Variants in NXPE2 observed in about 807,000 individuals in gnomAD.
The protein encoded by NXPE2 is NXPE family member 2.
A neutral mutation model predicts 34.4 loss-of-function variants in NXPE2; 34 were observed. That is an observed-to-expected ratio of 0.99 (90% CI 0.75 to 1.31). NXPE2 has a LOEUF of 1.31. Among genes scored for constraint, NXPE2 ranks in the 40% most tolerant of loss-of-function variants. The pLI, the probability that NXPE2 is intolerant of heterozygous loss-of-function variation, is 0.00. For missense variants in NXPE2, 649 were observed against 672.5 expected, an observed-to-expected ratio of 0.97 and a Z score of 0.39; for synonymous variants, 235 against 231.3, an observed-to-expected ratio of 1.02 and a Z score of -0.15.
chr11:114,528,684 C>A, the NXPE2 span: 1 of 464,520 alleles, frequency 2.2e-6, no homozygotes, highest in South Asian at 5.4e-5. Flanking sequence ...AAAGCTCTTA[C>A]TCACACTTTG....
intron 3 of NXPE2, among the ~76,000 whole-genome samples, chr11:114,702,809 T>G (rs764842106): frequency 9.9e-5 from 15 of 152,118 alleles, no homozygotes; most frequent in Non-Finnish European, 1.9e-4. Context: ...TGACCTCTCT[T>G]CAGTCCTCTG....
At chr11:114,529,931 CA>C in the NXPE2 span, 2 of 448,234 alleles carry the variant, frequency 4.5e-6, no homozygotes, top group Non-Finnish European at 7.8e-6. Context: ...ATCTTTTTTT[CA>C]GTGGAACATC....
chr11:114,731,290 G>A, the NXPE2 span, among the ~76,000 whole-genome samples: 2 of 152,308 alleles, frequency 1.3e-5, no homozygotes, highest in East Asian at 1.9e-4. Context: ...ATATAAAAAT[G>A]TATGTTCTGG....
At chr11:114,592,613 A>G in the NXPE2 span, among the ~76,000 whole-genome samples, 1 of 152,140 alleles carries the variant, frequency 6.6e-6, no homozygotes, top group African/African-American at 2.4e-5. Flanking sequence ...ACTAAAAGCA[A>G]TCTACAGATT....
chr11:114,643,117 T>A, the NXPE2 span, among the ~76,000 whole-genome samples: 1 of 152,274 alleles, frequency 6.6e-6, no homozygotes, highest in East Asian at 1.9e-4. Context: ...GTTTGTTTTT[T>A]TCTTGTAAAT....
chr11:114,777,695 G>A, the NXPE2 span, among the ~76,000 whole-genome samples: 1 of 152,144 alleles, frequency 6.6e-6, no homozygotes, highest in East Asian at 1.9e-4. Context: ...ACTGTGTATT[G>A]TGGTTCTTCC....
Position 114,705,755 on chromosome 11 carries a change from C to G in NXPE2, c.929-26C>G, listed in dbSNP as rs542950805. 1.3e-4 allele frequency: 173 copies of G among 1,340,682 alleles called. 1 individual carries two copies. Among genetic ancestry groups the G allele is most frequent in the Non-Finnish European group, 1.7e-4 (172 of 1,016,302 alleles). 83.0% of individuals were successfully genotyped at this position (1,340,682 alleles called of 1,614,324 possible). ...AAATAATTTGTGGTAATAAAAATTA[C>G]TTAATCTGGAAATTTGTATTGCCAG... On this transcript the variant is annotated intron_variant, in intron 4 of 5. Coordinates refer to ENST00000389586, the MANE Select transcript of NXPE2 (RefSeq NM_182495.6).
At chr11:114,671,296 G>A in the NXPE2 span, among the ~76,000 whole-genome samples, 6 of 148,910 alleles carry the variant, frequency 4.0e-5, no homozygotes, top group Admixed American at 2.0e-4. Flanking sequence ...AGAGAAATAC[G>A]GTACAAATTT....
At chr11:114,633,381 T>G in the NXPE2 span, among the ~76,000 whole-genome samples, 75 of 144,220 alleles carry the variant, frequency 5.2e-4, 1 homozygote, top group Non-Finnish European at 9.2e-4. Context: ...ATATTATGTA[T>G]TATATTATAT....
the NXPE2 span, among the ~76,000 whole-genome samples, chr11:114,633,544 T>A: frequency 3.3e-5 from 5 of 151,572 alleles, no homozygotes; most frequent in Non-Finnish European, 7.4e-5. Flanking sequence ...ACATGTGCCA[T>A]GCTTGTGTGC....
chr11:114,626,749 G>A, the NXPE2 span, among the ~76,000 whole-genome samples: 1 of 152,080 alleles, frequency 6.6e-6, no homozygotes, highest in African/African-American at 2.4e-5. Context: ...CAAACCAAAG[G>A]CAAAGAAGTT....
chr11:114,639,437 T>C, the NXPE2 span, among the ~76,000 whole-genome samples: 5 of 151,790 alleles, frequency 3.3e-5, no homozygotes, highest in African/African-American at 9.6e-5. Flanking sequence ...GGCAATGCCA[T>C]GCTCTGCTTC....
chr11:114,594,966 A>C, the NXPE2 span, among the ~76,000 whole-genome samples: 2 of 152,094 alleles, frequency 1.3e-5, no homozygotes, highest in African/African-American at 4.8e-5. Context: ...ATCTGCTTGT[A>C]CATTCTACAG....
chr11:114,695,102 T>C (rs1443689766), intron 2 of NXPE2, among the ~76,000 whole-genome samples: 2 of 152,152 alleles, frequency 1.3e-5, no homozygotes, highest in African/African-American at 4.8e-5. Context: ...TTAGACTGTG[T>C]TTACTGTTTA....
the NXPE2 span, among the ~76,000 whole-genome samples, chr11:114,782,793 A>G: frequency 6.6e-6 from 1 of 152,162 alleles, no homozygotes; most frequent in Non-Finnish European, 1.5e-5. Context: ...AGAGATTCCT[A>G]AGGGCTGGGT....
At chr11:114,534,240 A>G in the NXPE2 span, among the ~76,000 whole-genome samples, 1 of 152,238 alleles carries the variant, frequency 6.6e-6, no homozygotes, top group African/African-American at 2.4e-5. Flanking sequence ...TGTTAGAAGG[A>G]AAACTAACAA....
the NXPE2 span, among the ~76,000 whole-genome samples, chr11:114,774,282 A>G: frequency 6.6e-6 from 1 of 152,362 alleles, no homozygotes; most frequent in South Asian, 2.1e-4. Context: ...GAACATTTGT[A>G]AAACCTGCCC....
chr11:114,542,404 C>A, the NXPE2 span, among the ~76,000 whole-genome samples: 5 of 152,084 alleles, frequency 3.3e-5, no homozygotes, highest in African/African-American at 1.2e-4. Flanking sequence ...CATTAAACAA[C>A]CAACATAATT....
the NXPE2 span, chr11:114,513,424 T>A: frequency 6.1e-4 from 186 of 304,488 alleles, no homozygotes; most frequent in Non-Finnish European, 1.0e-3. Flanking sequence ...GGTATCCCTG[T>A]GATGAAGAAA....
Sources: allele counts gnomAD v4.1 joint callset (sites outside exome capture counted in the v4.1 genomes callset), GRCh38; gene constraint gnomAD v4.1.1; transcripts MANE v1.5; gene names NCBI Gene and HGNC (gene_info 2026-07-23, HGNC 2026-07-21).